The following HEPACAM2 variants were observed in gnomAD, a reference collection of about 807,000 sequenced individuals.
HEPACAM2 encodes the protein HEPACAM family member 2.
A neutral mutation model predicts 49.6 loss-of-function variants in HEPACAM2; 49 were observed. The observed-to-expected ratio is 0.99, with a 90% CI of 0.78 to 1.25. The LOEUF is 1.25. Among genes scored for constraint, HEPACAM2 ranks in the 50% most tolerant of loss-of-function variants. The pLI, the probability that HEPACAM2 is intolerant of heterozygous loss-of-function variation, is 0.00. For missense variants in HEPACAM2, 525 were observed against 557.2 expected (o/e 0.94, Z 0.58); for synonymous variants, 197 against 202.9 (o/e 0.97, Z 0.25).
intron 1 of HEPACAM2, chr7:93,225,753 G>T: frequency 2.4e-6 from 1 of 409,008 alleles, no homozygotes; most frequent in East Asian, 3.5e-5. Flanking sequence ...AAATATTAAG[G>T]TAGAAAAAAA....
chr7:93,211,455 T>C (rs1794175675), intron 3 of HEPACAM2, among the ~76,000 whole-genome samples: 2 of 152,028 alleles, frequency 1.3e-5, no homozygotes, highest in Admixed American at 1.3e-4. Flanking sequence ...CAGTGTGCTG[T>C]CAAATGGAAC....
At chr7:93,222,481 G>A (rs193066899) in intron 1 of HEPACAM2, among the ~76,000 whole-genome samples, 1 of 151,778 alleles carries the variant, frequency 6.6e-6, no homozygotes, top group Non-Finnish European at 1.5e-5. Context: ...TTCTATGTCC[G>A]CCATTGAGTC....
At position 93,188,925 on chromosome 7, in the gene HEPACAM2, G is replaced by C. The variant is rs2116612541; in HGVS notation, c.*342C>G. 2.5e-6 allele frequency: 1 copy of C among 404,366 alleles called. No individual in the cohort carries two copies. The highest frequency in any genetic ancestry group is 4.4e-6 in the Non-Finnish European group (1 of 229,006). 25.0% of individuals were successfully genotyped at this position (404,366 alleles called of 1,614,324 possible). A position where few individuals can be genotyped will look rare whatever the true frequency, so the allele number is the denominator to read the frequency against. ...GGATAGTCTCAGTGTTGATGATAGT[G>C]AAAGTGTAGAGTAGAACTAATTGAG... On this transcript the variant is annotated 3_prime_UTR_variant, in exon 10 of 10. Coordinates refer to ENST00000394468, the MANE Select transcript of HEPACAM2 (RefSeq NM_001039372.4).
At position 93,188,787 on chromosome 7, in the gene HEPACAM2, G is replaced by A. The variant is rs1024552946; in HGVS notation, c.*480C>T. 1 of 372,996 alleles carries A rather than the reference G, an allele frequency of 2.7e-6. No homozygotes were observed. Among genetic ancestry groups the A allele is most frequent in the African/African-American group, 2.1e-5 (1 of 47,986 alleles). The allele number at this position is 372,996 out of a possible 1,614,324, so 23.1% of individuals were successfully genotyped here. A position where few individuals can be genotyped will look rare whatever the true frequency, so the allele number is the denominator to read the frequency against. On this transcript the variant is annotated 3_prime_UTR_variant, in exon 10 of 10. Coordinates refer to ENST00000394468, the MANE Select transcript of HEPACAM2 (RefSeq NM_001039372.4). ...TGTACAAATAACAAGATAGAAATTTGGAAATAAAATTGAAACATAAATTTA... is the reference window on the plus strand; with the variant it reads ...TGTACAAATAACAAGATAGAAATTTAGAAATAAAATTGAAACATAAATTTA...
At chr7:93,220,359 T>C (rs1794423824) in intron 1 of HEPACAM2, among the ~76,000 whole-genome samples, 1 of 152,156 alleles carries the variant, frequency 6.6e-6, no homozygotes, top group African/African-American at 2.4e-5. Flanking sequence ...ACTAGGGTGT[T>C]AGTAAAAGAC....
At chr7:93,204,863 G>A (rs1793989533) in intron 4 of HEPACAM2, among the ~76,000 whole-genome samples, 1 of 152,120 alleles carries the variant, frequency 6.6e-6, no homozygotes, top group African/African-American at 2.4e-5. Flanking sequence ...ACTTTGGGAG[G>A]CCGAGGTGGG....
intron 3 of HEPACAM2, among the ~76,000 whole-genome samples, chr7:93,212,892 A>T (rs1388977290): frequency 6.6e-6 from 1 of 152,126 alleles, no homozygotes; most frequent in Non-Finnish European, 1.5e-5. Context: ...TGAAAGCAGA[A>T]GGATAATTCC....
Position 93,197,262 on chromosome 7 carries a change from T to C in HEPACAM2, c.1180A>G (p.Arg394Gly), listed in dbSNP as rs1482399613. 1 of 1,611,194 alleles carries C rather than the reference T, an allele frequency of 6.2e-7. No individual in the cohort carries two copies. Among genetic ancestry groups the C allele is most frequent in the Non-Finnish European group, 8.5e-7 (1 of 1,178,622 alleles). ...TTACCTGAAAATGTTTGAGCTTTCC[T>C]GTATTCTGTTTCTGGCCTGAAAAGA... The part of the protein sequence containing the change: ...KLEGRPETEY[R>G]KAQTFSGHED... The change falls in exon 7 of 10, where the codon AGG (arginine) becomes GGG (glycine). Residue 394 changes from arginine (R) to glycine (G), a missense_variant. By Grantham distance (125) the Arg-to-Gly change is moderately radical. Transcript: ENST00000394468.
chr7:93,215,828 A>G (rs1215188586), intron 2 of HEPACAM2, 143 bp from the exon 3 acceptor site: 1 of 756,008 alleles, frequency 1.3e-6, no homozygotes, highest in African/African-American at 1.8e-5. Flanking sequence ...GTAATAACTA[A>G]AGAAGAGAAG....
intron 3 of HEPACAM2, among the ~76,000 whole-genome samples, chr7:93,211,238 T>C (rs534824705): frequency 1.2e-4 from 18 of 152,076 alleles, no homozygotes; most frequent in South Asian, 2.1e-4. Flanking sequence ...TATGGGTTTT[T>C]ATTAATAAAC....
chr7:93,226,545 T>C, upstream of HEPACAM2: 1 of 856,008 alleles, frequency 1.2e-6, no homozygotes, highest in South Asian at 1.4e-5. Context: ...ATCTTGCCTC[T>C]TGCTTCTGTG....
intron 3 of HEPACAM2, among the ~76,000 whole-genome samples, chr7:93,211,084 C>T (rs904009062): frequency 3.3e-5 from 5 of 151,976 alleles, no homozygotes; most frequent in Non-Finnish European, 1.5e-5. Context: ...CATTTTCTGA[C>T]CAATCTGCCA....
At chr7:93,212,319 C>T (rs2116694602) in intron 3 of HEPACAM2, among the ~76,000 whole-genome samples, 1 of 151,982 alleles carries the variant, frequency 6.6e-6, no homozygotes, top group Non-Finnish European at 1.5e-5. Context: ...AATTTTTTCT[C>T]TTCTGTCTGT....
At chr7:93,208,011 A>ATTTG (rs1794073611) in intron 4 of HEPACAM2, among the ~76,000 whole-genome samples, 1 of 152,034 alleles carries the variant, frequency 6.6e-6, no homozygotes, top group African/African-American at 2.4e-5. Context: ...CGGGTTGATG[A>ATTTG]CATTTCTGAA....
chr7:93,203,793 T>C (rs1381229624), intron 4 of HEPACAM2, among the ~76,000 whole-genome samples: 1 of 152,090 alleles, frequency 6.6e-6, no homozygotes, highest in Non-Finnish European at 1.5e-5. Context: ...CAAAATGAAG[T>C]CTTGAGATCT....
At chr7:93,231,175 AC>A (rs1477704320), upstream of HEPACAM2, among the ~76,000 whole-genome samples, 1 of 152,116 alleles carries the variant, frequency 6.6e-6, no homozygotes, top group East Asian at 1.9e-4. Flanking sequence ...TACCACCCAT[AC>A]TATTGTTTAC....
rs183616047 is a variant in HEPACAM2, at chr7:93,210,562, C to T, written c.716-1686G>A. On this transcript the variant is annotated intron_variant, in intron 3 of 9. Coordinates refer to ENST00000394468, the MANE Select transcript of HEPACAM2 (RefSeq NM_001039372.4). ...TATTAATATTAATTCTGTAATCATC[C>T]AATCAAGTAATAAATATTTATTTGA... Among the ~76,000 whole-genome samples, 1,019 of 151,804 alleles carry T rather than the reference C, an allele frequency of 6.7e-3. 3 individuals carry two copies. Among genetic ancestry groups the T allele is most frequent in the Non-Finnish European group, 0.011 (730 of 67,886 alleles).
At chr7:93,191,933 T>C (rs940293390) in intron 9 of HEPACAM2, among the ~76,000 whole-genome samples, 5 of 152,116 alleles carry the variant, frequency 3.3e-5, no homozygotes, top group African/African-American at 1.2e-4. Flanking sequence ...GGCTACAGAA[T>C]TAGCCTGAAC....
chr7:93,222,605 T>C (rs1794471254), intron 1 of HEPACAM2, among the ~76,000 whole-genome samples: 1 of 152,194 alleles, frequency 6.6e-6, no homozygotes. Context: ...TACTGAAATA[T>C]GAAGTCCTAG....
Sources: allele counts gnomAD v4.1 joint callset (sites outside exome capture counted in the v4.1 genomes callset), GRCh38; gene constraint gnomAD v4.1.1; transcripts MANE v1.5; gene names NCBI Gene and HGNC (gene_info 2026-07-23, HGNC 2026-07-21).